The following SCAPER variants were observed in gnomAD, a reference collection of about 807,000 sequenced individuals.
The protein encoded by SCAPER is S-phase cyclin A associated protein in the ER.
In SCAPER, 98 loss-of-function variants were observed where a neutral mutation model predicts 182.2. The observed-to-expected ratio is 0.54, with a 90% CI of 0.46 to 0.64. The LOEUF is 0.64. Among genes scored for constraint, SCAPER ranks in the 30% least tolerant of loss-of-function variants. The pLI, the probability that SCAPER is intolerant of heterozygous loss-of-function variation, is 0.00. For missense variants in SCAPER, 1,432 were observed against 1,690.0 expected, an observed-to-expected ratio of 0.85 and a Z score of 2.68; for synonymous variants, 605 against 564.6, an observed-to-expected ratio of 1.07 and a Z score of -1.01.
At chr15:76,777,237 C>A (rs1451130166) in intron 8 of SCAPER, among the ~76,000 whole-genome samples, 1 of 152,172 alleles carries the variant, frequency 6.6e-6, no homozygotes, top group Non-Finnish European at 1.5e-5. Flanking sequence ...ACTGAAAGAA[C>A]TGCCCATTGT....
chr15:76,683,057 A>G (rs143090788), intron 20 of SCAPER, among the ~76,000 whole-genome samples: 1 of 152,320 alleles, frequency 6.6e-6, no homozygotes, highest in Non-Finnish European at 1.5e-5. Flanking sequence ...ACCAGGCTGA[A>G]ATGGCTGAAA....
chr15:76,855,857 T>C (rs2071312862), intron 4 of SCAPER: 1 of 441,636 alleles, frequency 2.3e-6, no homozygotes, highest in Non-Finnish European at 4.6e-6. Flanking sequence ...TGGAAAGAAG[T>C]ATGGCGATTC....
chr15:76,895,461 A>G (rs118162401), intron 1 of SCAPER, among the ~76,000 whole-genome samples: 2,199 of 152,248 alleles, frequency 0.014, 22 homozygotes, highest in Non-Finnish European at 0.023. Flanking sequence ...TAAGATCAAC[A>G]AGACAAGAAT....
intron 20 of SCAPER, among the ~76,000 whole-genome samples, chr15:76,691,068 T>C (rs532010259): frequency 6.6e-6 from 1 of 152,120 alleles, no homozygotes; most frequent in African/African-American, 2.4e-5. Context: ...CAAAAGCACG[T>C]ATTAAAAAAG....
chr15:76,843,928 G>C (rs1450305185), intron 4 of SCAPER, among the ~76,000 whole-genome samples: 2 of 152,148 alleles, frequency 1.3e-5, no homozygotes, highest in Non-Finnish European at 2.9e-5. Flanking sequence ...TGATATACTT[G>C]CTATGTGCCA....
At chr15:76,583,799 C>G (rs2048437174) in intron 22 of SCAPER, among the ~76,000 whole-genome samples, 1 of 152,152 alleles carries the variant, frequency 6.6e-6, no homozygotes, top group South Asian at 2.1e-4. Context: ...GAAAAGGAAA[C>G]CCTCATGCAC....
intron 14 of SCAPER, among the ~76,000 whole-genome samples, chr15:76,758,322 T>C (rs1358391770): frequency 1.3e-5 from 2 of 152,178 alleles, no homozygotes; most frequent in Admixed American, 1.3e-4. Flanking sequence ...GTATTCCCAA[T>C]ACCCTTTGTT....
intron 25 of SCAPER, among the ~76,000 whole-genome samples, chr15:76,446,738 T>C (rs929133049): frequency 3.3e-5 from 5 of 152,186 alleles, no homozygotes; most frequent in African/African-American, 1.2e-4. Flanking sequence ...GACAAATTCA[T>C]ATGAAAAAGG....
chr15:76,662,197 A>ATGCTTTCTT (rs2056239912), intron 21 of SCAPER, among the ~76,000 whole-genome samples: 1 of 152,144 alleles, frequency 6.6e-6, no homozygotes, highest in Non-Finnish European at 1.5e-5. Flanking sequence ...GAGAGGAAAG[A>ATGCTTTCTT]AAGCATCAGG....
chr15:76,618,928 T>G (rs746148068), intron 22 of SCAPER, among the ~76,000 whole-genome samples: 14 of 152,188 alleles, frequency 9.2e-5, no homozygotes, highest in Non-Finnish European at 1.6e-4. Flanking sequence ...CACTGCAACC[T>G]CCACCTCCCG....
At chr15:76,807,530 A>AT (rs1301080391) in intron 5 of SCAPER, among the ~76,000 whole-genome samples, 5 of 151,338 alleles carry the variant, frequency 3.3e-5, no homozygotes, top group Admixed American at 3.3e-4. Flanking sequence ...TTTATTTTTT[A>AT]TTTTTTACTT....
chr15:76,526,733 C>A (rs908404677), intron 23 of SCAPER, among the ~76,000 whole-genome samples: 1 of 151,790 alleles, frequency 6.6e-6, no homozygotes, highest in Admixed American at 6.6e-5. Flanking sequence ...TTTTTACTTC[C>A]TAGAGTTCAG....
chr15:76,649,498 A>G (rs1191756658), intron 21 of SCAPER, among the ~76,000 whole-genome samples: 3 of 151,966 alleles, frequency 2.0e-5, no homozygotes, highest in Non-Finnish European at 4.4e-5. Context: ...ACCAAGGCAC[A>G]TTATAACAAA....
At chr15:76,381,878 C>T (rs1008676697) in intron 27 of SCAPER, among the ~76,000 whole-genome samples, 15 of 152,162 alleles carry the variant, frequency 9.9e-5, no homozygotes, top group African/African-American at 3.4e-4. Context: ...ACCACCCTTC[C>T]CACACTTTAT....
intron 24 of SCAPER, among the ~76,000 whole-genome samples, chr15:76,477,629 A>ATT (rs2050762673): frequency 6.6e-6 from 1 of 152,114 alleles, no homozygotes; most frequent in Non-Finnish European, 1.5e-5. Context: ...CCAGAAAAAT[A>ATT]TTTTTTCCAT....
At position 76,765,294 on chromosome 15, in the gene SCAPER, T is replaced by C. The variant is rs750039183; in HGVS notation, c.1613+43A>G. ...ATTTAACAGTCAAGAGTGGCTAGTT[T>C]CCTTGCTGTGAACCATTTCAAATTA... On this transcript the variant is annotated intron_variant, in intron 13 of 31. Transcript: ENST00000563290. The C allele has an allele frequency of 2.0e-6, 3 of 1,495,818 alleles. No homozygotes were observed. The East Asian group carries it at 6.8e-5, about 34-fold the overall frequency. The allele number at this position is 1,495,818 out of a possible 1,614,324, so 92.7% of individuals were successfully genotyped here. A position where few individuals can be genotyped will look rare whatever the true frequency, so the allele number is the denominator to read the frequency against.
At chr15:76,744,762 C>A (rs768073777) in intron 15 of SCAPER, among the ~76,000 whole-genome samples, 3 of 152,130 alleles carry the variant, frequency 2.0e-5, no homozygotes, top group Non-Finnish European at 2.9e-5. Context: ...TACCATTTGA[C>A]CCAGCAATTC....
At chr15:76,862,649 G>T (rs2071971633) in intron 2 of SCAPER, 116 bp from the exon 3 acceptor site, 3 of 606,152 alleles carry the variant, frequency 4.9e-6, no homozygotes, top group Non-Finnish European at 8.0e-6. Context: ...ACTAATTTGG[G>T]ATGTGGTGGG....
Position 76,765,143 on chromosome 15 carries a change from G to A in SCAPER, c.1614-71C>T, listed in dbSNP as rs1403932258. 6.7e-6 allele frequency: 8 copies of A among 1,199,630 alleles called. No homozygotes were observed. In the Admixed American group the frequency reaches 1.8e-4, roughly 27 times the overall value. 74.3% of individuals were successfully genotyped at this position (1,199,630 alleles called of 1,614,324 possible). A position where few individuals can be genotyped will look rare whatever the true frequency, so the allele number is the denominator to read the frequency against. On this transcript the variant is annotated intron_variant, in intron 13 of 31. Coordinates refer to ENST00000563290, the MANE Select transcript of SCAPER (RefSeq NM_020843.4). ...ATAAGGCCAGAAAAAGTGTTCTTTA[G>A]ACTTCATAGTTCTTAAAGTATACAA...
Sources: gnomAD v4.1 joint callset for allele counts (sites outside exome capture counted in the v4.1 genomes callset) on GRCh38, gnomAD v4.1.1 for gene constraint, MANE v1.5 for transcripts, NCBI Gene and HGNC (gene_info 2026-07-23, HGNC 2026-07-21) for gene names.